NBEA: variants seen among roughly 807,000 people sequenced by gnomAD.
NBEA encodes the protein lysosomal-trafficking regulator 2.
In NBEA, 44 loss-of-function variants were observed where a neutral mutation model predicts 343.4. The ratio of observed to expected loss-of-function variants is 0.13; its 90% confidence interval spans 0.10 to 0.16. The LOEUF is 0.16. Ranked by LOEUF, NBEA falls within the 10% of genes least tolerant of loss-of-function variation. The pLI, the probability that NBEA is intolerant of heterozygous loss-of-function variation, is 1.00. For synonymous variants in NBEA, 1,175 were observed against 1,238.7 expected (o/e 0.95, Z 1.08); for missense variants, 2,555 against 3,631.3 (o/e 0.70, Z 7.62).
intron 1 of NBEA, among the ~76,000 whole-genome samples, chr13:34,982,801 T>C (rs2060402864): frequency 6.6e-6 from 1 of 152,178 alleles, no homozygotes; most frequent in African/African-American, 2.4e-5. Flanking sequence ...TTAATTATAG[T>C]GTTGTTCATA....
chr13:35,364,167 C>T (rs2040972300), intron 38 of NBEA, among the ~76,000 whole-genome samples: 1 of 151,860 alleles, frequency 6.6e-6, no homozygotes, highest in Non-Finnish European at 1.5e-5. Context: ...TTCATCTCTC[C>T]CATTTTCCCA....
rs191511555 is a variant in NBEA, at chr13:35,515,901, T to C, written c.6586-34576T>C. Among the ~76,000 whole-genome samples the C allele has an allele frequency of 7.2e-5, 11 of 152,312 alleles. No individual in the cohort carries two copies. In the East Asian group the frequency reaches 1.9e-3, roughly 27 times the overall value. On this transcript the variant is annotated intron_variant, in intron 41 of 58. Transcript: ENST00000379939. Reference sequence around the variant, plus strand: ...TGGGCCAATTACTCCAAAGCACATATTATATCACACACAATAAGATGCAAT... The same window carrying C: ...TGGGCCAATTACTCCAAAGCACATACTATATCACACACAATAAGATGCAAT...
intron 35 of NBEA, among the ~76,000 whole-genome samples, chr13:35,306,096 G>C (rs2036875706): frequency 6.6e-6 from 1 of 152,132 alleles, no homozygotes; most frequent in South Asian, 2.1e-4. Context: ...ATAGACAGAA[G>C]ATTTACTTTC....
chr13:35,550,325 A>G (rs2079257030), intron 41 of NBEA, among the ~76,000 whole-genome samples, 152 bp from the exon 42 acceptor site: 1 of 152,178 alleles, frequency 6.6e-6, no homozygotes, highest in Non-Finnish European at 1.5e-5. Context: ...AAAGGCAGAA[A>G]TTTTGCAAAT....
At chr13:35,018,529 A>G (rs996160330) in intron 1 of NBEA, among the ~76,000 whole-genome samples, 1 of 151,956 alleles carries the variant, frequency 6.6e-6, no homozygotes, top group East Asian at 1.9e-4. Context: ...GTTTTAATTT[A>G]TTGTTTCAAT....
chr13:35,655,466 TA>T, intron 54 of NBEA, 112 bp from the exon 55 acceptor site: 2 of 1,161,390 alleles, frequency 1.7e-6, no homozygotes, highest in African/African-American at 1.6e-5. Flanking sequence ...ACAAAACTGG[TA>T]AAATAAAATT....
intron 1 of NBEA, among the ~76,000 whole-genome samples, chr13:35,011,219 A>G (rs960851156): frequency 6.6e-6 from 1 of 152,122 alleles, no homozygotes; most frequent in Non-Finnish European, 1.5e-5. Context: ...GCCTTTCATC[A>G]ATAAGAGTAA....
intron 23 of NBEA, among the ~76,000 whole-genome samples, chr13:35,163,355 C>A (rs147843878): frequency 6.6e-6 from 1 of 151,576 alleles, no homozygotes; most frequent in East Asian, 1.9e-4. Context: ...ATTTTTTTCC[C>A]ATTAAAAAAC....
intron 1 of NBEA, among the ~76,000 whole-genome samples, chr13:35,010,741 A>AATATATATAT (rs869140392): frequency 4.7e-4 from 15 of 31,936 alleles, no homozygotes; most frequent in East Asian, 1.9e-3. Flanking sequence ...AAAAAAAAAA[A>AATATATATAT]ATATATATAT....
chr13:35,060,361 A>G (rs1469938729), intron 8 of NBEA, among the ~76,000 whole-genome samples: 1 of 151,800 alleles, frequency 6.6e-6, no homozygotes, highest in Non-Finnish European at 1.5e-5. Context: ...AAACTCTGTA[A>G]TTTGTAGTAT....
intron 21 of NBEA, 143 bp from the exon 22 acceptor site, chr13:35,158,873 C>G: frequency 1.5e-6 from 1 of 677,756 alleles, no homozygotes. Context: ...TAAGCACTTG[C>G]TTTAGGACTA....
At chr13:34,986,233 T>C (rs1450211311) in intron 1 of NBEA, among the ~76,000 whole-genome samples, 1 of 151,078 alleles carries the variant, frequency 6.6e-6, no homozygotes, top group Non-Finnish European at 1.5e-5. Flanking sequence ...TGGTACATTG[T>C]GTCTTTGTTC....
intron 1 of NBEA, among the ~76,000 whole-genome samples, chr13:35,017,805 T>C (rs1172029369): frequency 6.6e-6 from 1 of 152,170 alleles, no homozygotes; most frequent in East Asian, 1.9e-4. Context: ...AATTTATTGA[T>C]GTTTTTTCTT....
chr13:35,008,847 A>G (rs770030381), intron 1 of NBEA, among the ~76,000 whole-genome samples: 1 of 152,154 alleles, frequency 6.6e-6, no homozygotes, highest in Non-Finnish European at 1.5e-5. Context: ...ACTTGCAACA[A>G]TTCTTGGAAG....
intron 38 of NBEA, among the ~76,000 whole-genome samples, chr13:35,416,840 G>A (rs1232167267): frequency 6.6e-6 from 1 of 152,106 alleles, no homozygotes; most frequent in Non-Finnish European, 1.5e-5. Flanking sequence ...ACCTCTAGTA[G>A]AATTCAGCTG....
chr13:35,667,715 G>A, intron 57 of NBEA, 145 bp downstream of exon 57: 2 of 763,388 alleles, frequency 2.6e-6, no homozygotes, highest in Non-Finnish European at 4.1e-6. Flanking sequence ...CTTGCGGACT[G>A]GTACTTTAAA....
intron 41 of NBEA, chr13:35,476,568 C>A (rs763386384): frequency 1.8e-6 from 1 of 569,532 alleles, no homozygotes; most frequent in East Asian, 2.9e-5. Context: ...TATTTATTTG[C>A]GCTTTCCCGT....
intron 1 of NBEA, among the ~76,000 whole-genome samples, chr13:35,026,372 G>A (rs1038543140): frequency 1.3e-5 from 2 of 152,046 alleles, no homozygotes; most frequent in African/African-American, 4.8e-5. Flanking sequence ...GTATTTCTCT[G>A]CTTTCTGTTT....
chr13:35,171,340 G>A lies in NBEA; in HGVS notation c.4311G>A (p.Arg1437=), dbSNP rs369845925. ...SAETAVTFLS[R]LMAMVDVLVF... ...AGACAGCAGTAACTTTCCTCAGCCG[G>A]CTGATGGCTATGGTTGATGTACTTG... Residue 1437 remains arginine, a synonymous_variant, in exon 26 of 59, where the codon CGG becomes CGA. Transcript: ENST00000379939. The A allele has an allele frequency of 1.2e-6, 2 of 1,612,404 alleles. No individual in the cohort carries two copies. The highest frequency in any genetic ancestry group is 1.3e-5 in the African/African-American group (1 of 74,992).
Sources: gnomAD v4.1 joint callset for allele counts (sites outside exome capture counted in the v4.1 genomes callset) on GRCh38, gnomAD v4.1.1 for gene constraint, MANE v1.5 for transcripts, NCBI Gene and HGNC (gene_info 2026-07-23, HGNC 2026-07-21) for gene names.